GRB2: variants seen among roughly 807,000 people sequenced by gnomAD.
GRB2 encodes the protein growth factor receptor bound protein 2, also known as growth factor receptor-bound protein 2.
In GRB2, 2 loss-of-function variants were observed where a neutral mutation model predicts 27.4. The observed-to-expected ratio is 0.07, with a 90% confidence interval of 0.03 to 0.23. GRB2 has a LOEUF of 0.23. Ranked by LOEUF, GRB2 falls within the 10% of genes least tolerant of loss-of-function variation. The pLI, the probability that GRB2 is intolerant of heterozygous loss-of-function variation, is 1.00. For missense variants in GRB2, 102 were observed against 282.4 expected, an observed-to-expected ratio of 0.36 and a Z score of 4.58; for synonymous variants, 94 against 99.6, an observed-to-expected ratio of 0.94 and a Z score of 0.33.
chr17:75,403,493 G>A (rs1158410111), intron 1 of GRB2, among the ~76,000 whole-genome samples: 2 of 152,164 alleles, frequency 1.3e-5, no homozygotes, highest in Non-Finnish European at 2.9e-5. Flanking sequence ...TTTGAGTTCA[G>A]GCCGGGCGCA....
chr17:75,333,238 G>A (rs1038125210), intron 2 of GRB2, among the ~76,000 whole-genome samples: 3 of 152,178 alleles, frequency 2.0e-5, no homozygotes, highest in Non-Finnish European at 4.4e-5. Flanking sequence ...ACGTTGCCCA[G>A]CTAATTTTTG....
chr17:75,323,337 G>A (rs554775092), intron 4 of GRB2, among the ~76,000 whole-genome samples: 1 of 152,204 alleles, frequency 6.6e-6, no homozygotes, highest in East Asian at 1.9e-4. Context: ...AAATGTGGAA[G>A]GTGAGAAAGC....
In GRB2 at chr17:75,325,936, C is replaced by G; in HGVS notation, c.261G>C (p.Glu87Asp). ...QRHDGAFLIR[E>D]SESAPGDFSL... ...AGAAGTCCCCAGGAGCGCTCTCACTCTCTCGGATAAGAAAGGCCCCATCGT... is the reference window on the plus strand; with the variant it reads ...AGAAGTCCCCAGGAGCGCTCTCACTGTCTCGGATAAGAAAGGCCCCATCGT... The change falls in exon 4 of 6, where the codon GAG (glutamate) becomes GAC (aspartate). Residue 87 changes from glutamate (E) to aspartate (D), a missense_variant. By Grantham distance (45) the Glu-to-Asp change is conservative. This residue lies in a region of GRB2 where 45 missense variants were observed against 110.6 expected (regional missense o/e 0.41). Transcript: ENST00000316804. 1.9e-6 allele frequency: 3 copies of G among 1,614,040 alleles called. No individual in the cohort carries two copies. The highest frequency in any genetic ancestry group is 2.2e-5 in the East Asian group (1 of 44,878).
chr17:75,358,679 A>G (rs1036283341), intron 2 of GRB2, among the ~76,000 whole-genome samples: 29 of 142,752 alleles, frequency 2.0e-4, no homozygotes, highest in African/African-American at 6.8e-4. Context: ...CCTGGCCAAC[A>G]TGGCGAAATC....
At chr17:75,364,395 A>G (rs1420659821) in intron 2 of GRB2, among the ~76,000 whole-genome samples, 2 of 152,202 alleles carry the variant, frequency 1.3e-5, no homozygotes, top group African/African-American at 4.8e-5. Context: ...AAATTAGGCC[A>G]TTTCATCTTC....
At chr17:75,396,499 G>C (rs2079030133) in intron 1 of GRB2, among the ~76,000 whole-genome samples, 1 of 152,032 alleles carries the variant, frequency 6.6e-6, no homozygotes, top group Non-Finnish European at 1.5e-5. Flanking sequence ...CTAGAGGCAG[G>C]CCCCTCACGC....
At chr17:75,394,876 C>T (rs2079020508) in intron 1 of GRB2, 1 of 152,178 alleles carries the variant, frequency 6.6e-6, no homozygotes, top group South Asian at 2.1e-4. Flanking sequence ...GGCAGTAGTA[C>T]AATGAACGGT....
intron 2 of GRB2, chr17:75,371,903 T>G (rs566542204): frequency 4.6e-5 from 7 of 152,136 alleles, no homozygotes; most frequent in Non-Finnish European, 1.0e-4. Flanking sequence ...TGGAGGAGGA[T>G]AGTAAATTAT....
At chr17:75,380,517 CA>C (rs2078921283) in intron 2 of GRB2, among the ~76,000 whole-genome samples, 1 of 152,138 alleles carries the variant, frequency 6.6e-6, no homozygotes, top group Admixed American at 6.5e-5. Context: ...ACTTGTTTCT[CA>C]AAAGCTCTCA....
intron 2 of GRB2, among the ~76,000 whole-genome samples, chr17:75,336,850 G>A (rs1416430062): frequency 6.6e-6 from 1 of 152,048 alleles, no homozygotes; most frequent in Non-Finnish European, 1.5e-5. Flanking sequence ...TGATTCAAGT[G>A]CCTCGGCCTC....
intron 5 of GRB2, 85 bp downstream of exon 5, chr17:75,321,574 G>A: frequency 1.6e-6 from 2 of 1,281,224 alleles, no homozygotes; most frequent in Non-Finnish European, 2.2e-6. Flanking sequence ...GCATGTTGAG[G>A]GGCGCCTCCC....
rs1321502755 is a variant in GRB2, at chr17:75,319,234, G to A, written c.*1134C>T. The stretch of plus-strand genomic sequence containing the variant: ...TCTACCCTGGCTCCCCTGCCCGGAG[G>A]GAAAAATATTTACACAGAGTAGGAG... On this transcript the variant is annotated 3_prime_UTR_variant, in exon 6 of 6. Coordinates refer to ENST00000316804, the MANE Select transcript of GRB2 (RefSeq NM_002086.5). 1 of 151,918 alleles carries A rather than the reference G, an allele frequency of 6.6e-6. No homozygotes were observed. Among genetic ancestry groups the A allele is most frequent in the African/African-American group, 2.4e-5 (1 of 41,214 alleles). The allele number at this position is 151,918 out of a possible 1,614,324, so 9.4% of individuals were successfully genotyped here.
chr17:75,325,583 TAG>T (rs1164893288), intron 4 of GRB2, among the ~76,000 whole-genome samples: 1 of 152,116 alleles, frequency 6.6e-6, no homozygotes, highest in Non-Finnish European at 1.5e-5. Context: ...ACTATCCCAT[TAG>T]AGAGAGCTGC....
chr17:75,369,345 G>A (rs987221417), intron 2 of GRB2, among the ~76,000 whole-genome samples: 2 of 152,130 alleles, frequency 1.3e-5, no homozygotes, highest in African/African-American at 4.8e-5. Flanking sequence ...AGGAGTAGCA[G>A]CACAATGTTA....
At chr17:75,345,246 G>A (rs1027985854) in intron 2 of GRB2, among the ~76,000 whole-genome samples, 1 of 151,790 alleles carries the variant, frequency 6.6e-6, no homozygotes, top group South Asian at 2.1e-4. Flanking sequence ...GGGTTTCACC[G>A]TGTTAGCCAG....
intron 2 of GRB2, among the ~76,000 whole-genome samples, chr17:75,354,049 A>AG (rs2078712274): frequency 6.6e-6 from 1 of 151,914 alleles, no homozygotes; most frequent in Non-Finnish European, 1.5e-5. Context: ...CAAAAAAAAA[A>AG]CAAAAACGAA....
intron 3 of GRB2, among the ~76,000 whole-genome samples, chr17:75,330,415 CT>C (rs1245389432): frequency 2.0e-5 from 3 of 151,560 alleles, no homozygotes; most frequent in African/African-American, 7.3e-5. Context: ...AAAAGATGGG[CT>C]TTGGCAGGGT....
intron 3 of GRB2, among the ~76,000 whole-genome samples, chr17:75,329,415 T>A (rs1382324068): frequency 6.6e-6 from 1 of 152,192 alleles, no homozygotes; most frequent in Admixed American, 6.5e-5. Context: ...CTGTCTGGTG[T>A]CACATAGACA....
intron 2 of GRB2, among the ~76,000 whole-genome samples, chr17:75,389,807 T>C (rs2145869970): frequency 6.6e-6 from 1 of 152,186 alleles, no homozygotes; most frequent in African/African-American, 2.4e-5. Flanking sequence ...ATCGCGCCAC[T>C]GCACTCCAGC....
Sources: gnomAD v4.1 joint callset for allele counts (sites outside exome capture counted in the v4.1 genomes callset) on GRCh38, gnomAD v4.1.1 for gene constraint, gnomAD v4.1.1 regional missense constraint, MANE v1.5 for transcripts, NCBI Gene and HGNC (gene_info 2026-07-23, HGNC 2026-07-21) for gene names.